Variants in FXYD2 observed in about 807,000 individuals in gnomAD.
The protein encoded by FXYD2 is FXYD domain containing ion transport regulator 2.
A neutral mutation model predicts 11.8 loss-of-function variants in FXYD2; 8 were observed. The ratio of observed to expected loss-of-function variants is 0.68; its 90% CI spans 0.40 to 1.22. FXYD2 has a LOEUF of 1.22. Among genes scored for constraint, FXYD2 ranks in the 50% most tolerant of loss-of-function variants. The pLI is 0.01. For synonymous variants in FXYD2, 42 were observed against 33.3 expected (o/e 1.26, Z -0.90); for missense variants, 92 against 91.8 (o/e 1.00, Z -0.01).
upstream of FXYD2, among the ~76,000 whole-genome samples, chr11:117,826,830 A>G (rs5026788): frequency 9.4e-4 from 91 of 97,000 alleles, no homozygotes; most frequent in South Asian, 3.1e-3. Context: ...CTATCTGTCT[A>G]TCTATCTATC....
At chr11:117,821,080 G>A (rs766256934) in intron 3 of FXYD2, among the ~76,000 whole-genome samples, 185 bp from the exon 4 acceptor site, 22 of 151,694 alleles carry the variant, frequency 1.5e-4, no homozygotes, top group South Asian at 8.4e-4. Context: ...TTTTTGAGAC[G>A]GGGTCTTACT....
rs2134100346 is a variant in FXYD2 at position 117,822,068 on chromosome 11, TC to T, written c.139+337del. 2 of 1,264,122 alleles carry T rather than the reference TC, an allele frequency of 1.6e-6. No homozygotes were observed. Among genetic ancestry groups the T allele is most frequent in the East Asian group, 8.2e-5 (2 of 24,324 alleles). 78.3% of individuals were successfully genotyped at this position (1,264,122 alleles called of 1,614,324 possible). A position where few individuals can be genotyped will look rare whatever the true frequency, so the allele number is the denominator to read the frequency against. On this transcript the variant is annotated intron_variant, in intron 3 of 5. Transcript: ENST00000292079. This position sits in a 1 kb window ranked among gnomAD's most constrained non-coding sequence, Gnocchi z 4.7. ...TAATCTTGTGAGGCAGGTGGGATCATCCCTATTTAACAAATGAGTTTGGGAC... is the reference window on the plus strand; with the variant it reads ...TAATCTTGTGAGGCAGGTGGGATCATCCTATTTAACAAATGAGTTTGGGAC...
At position 117,822,095 on chromosome 11, in the gene FXYD2, C is replaced by T. The variant is rs888246560; in HGVS notation, c.139+311G>A. 2 of 1,324,582 alleles carry T rather than the reference C, an allele frequency of 1.5e-6. No individual in the cohort carries two copies. Among genetic ancestry groups the T allele is most frequent in the Non-Finnish European group, 1.9e-6 (2 of 1,028,512 alleles). 82.1% of individuals were successfully genotyped at this position (1,324,582 alleles called of 1,614,324 possible). On this transcript the variant is annotated intron_variant, in intron 3 of 5. Transcript: ENST00000292079. This position sits in a 1 kb window ranked among gnomAD's most constrained non-coding sequence, Gnocchi z 4.7. ...CCTATTTAACAAATGAGTTTGGGACCATGGTTAGCAGCGGGGGGCCTAGTC... is the reference window on the plus strand; with the variant it reads ...CCTATTTAACAAATGAGTTTGGGACTATGGTTAGCAGCGGGGGGCCTAGTC...
At chr11:117,825,068 T>A (rs1270040658), upstream of FXYD2, among the ~76,000 whole-genome samples, 1 of 152,186 alleles carries the variant, frequency 6.6e-6, no homozygotes, top group Non-Finnish European at 1.5e-5. Flanking sequence ...TGGGAGTTTC[T>A]GGGGGCAGTG....
upstream of FXYD2, among the ~76,000 whole-genome samples, chr11:117,825,850 C>T (rs748098947): frequency 2.5e-4 from 38 of 152,282 alleles, no homozygotes; most frequent in African/African-American, 8.7e-4. Context: ...CAGTGGCCAG[C>T]GGACAGCAGG....
chr11:117,826,754 A>ATCTGTCTGTCTG (rs61440081), upstream of FXYD2, among the ~76,000 whole-genome samples: 305 of 143,688 alleles, frequency 2.1e-3, 4 homozygotes, highest in East Asian at 0.022. Context: ...AAATAAATTC[A>ATCTGTCTGTCTG]TCTGTCTGTC....
chr11:117,826,346 G>A (rs1329302412), upstream of FXYD2, among the ~76,000 whole-genome samples: 1 of 152,190 alleles, frequency 6.6e-6, no homozygotes, highest in Admixed American at 6.5e-5. Flanking sequence ...CATCACAGCA[G>A]AGCCAGCGTT....
At position 117,824,624 on chromosome 11, in the gene FXYD2, A is replaced by G. The variant is rs972474595; in HGVS notation, c.25+30T>C. On this transcript the variant is annotated intron_variant, in intron 1 of 5. Transcript: ENST00000292079. The surrounding 1 kb of genome is among the most constrained non-coding windows in gnomAD (Gnocchi z 4.0). ...CAATCAGAGCCACCCAGCATTGCACACGCCCGGGCACGCACACCAGCACAC... is the reference window on the plus strand; with the variant it reads ...CAATCAGAGCCACCCAGCATTGCACGCGCCCGGGCACGCACACCAGCACAC... 2.5e-6 allele frequency: 4 copies of G among 1,591,628 alleles called. No individual in the cohort carries two copies. Among genetic ancestry groups the G allele is most frequent in the Non-Finnish European group, 3.4e-6 (4 of 1,159,764 alleles).
chr11:117,824,755 A>G (rs1591536845), upstream of FXYD2: 4 of 1,586,084 alleles, frequency 2.5e-6, no homozygotes, highest in Non-Finnish European at 1.7e-6. The surrounding 1 kb of genome is among the most constrained non-coding windows in gnomAD (Gnocchi z 4.0). Context: ...GGCTGCCTCC[A>G]CGGGGTGGCC....
At chr11:117,826,998 G>T (rs191844026), upstream of FXYD2, among the ~76,000 whole-genome samples, 101 of 151,948 alleles carry the variant, frequency 6.6e-4, no homozygotes, top group African/African-American at 2.3e-3. Flanking sequence ...AAACAAAGCT[G>T]CAGTGTGGAT....
In FXYD2 at chr11:117,824,572, G is replaced by C. The variant is rs2055993942; in HGVS notation, c.25+82C>G. The C allele has an allele frequency of 9.0e-7, 1 of 1,109,752 alleles. No individual in the cohort carries two copies. 68.7% of individuals were successfully genotyped at this position (1,109,752 alleles called of 1,614,324 possible). A position where few individuals can be genotyped will look rare whatever the true frequency, so the allele number is the denominator to read the frequency against. On this transcript the variant is annotated intron_variant, in intron 1 of 5. Coordinates refer to ENST00000292079, the MANE Select transcript of FXYD2 (RefSeq NM_001680.5). This position sits in a 1 kb window ranked among gnomAD's most constrained non-coding sequence, Gnocchi z 4.0. ...GAGGTGGCAGGAGAGGGAAGAGTAGGGTCCAGCTGACCCCACAAAGGCAGG... is the reference window on the plus strand; with the variant it reads ...GAGGTGGCAGGAGAGGGAAGAGTAGCGTCCAGCTGACCCCACAAAGGCAGG...
At position 117,822,123 on chromosome 11, in the gene FXYD2, CCT is replaced by C. The variant is rs1239330396; in HGVS notation, c.139+281_139+282del. On this transcript the variant is annotated intron_variant, in intron 3 of 5. Coordinates refer to ENST00000292079, the MANE Select transcript of FXYD2 (RefSeq NM_001680.5). This position sits in a 1 kb window ranked among gnomAD's most constrained non-coding sequence, Gnocchi z 4.7. Reference sequence around the variant, plus strand: ...GGTTAGCAGCGGGGGGCCTAGTCCCCCTGTCTGGCCCTCCGGTTACCCAGTTA... The same window carrying C: ...GGTTAGCAGCGGGGGGCCTAGTCCCCGTCTGGCCCTCCGGTTACCCAGTTA... 1 of 1,373,042 alleles carries C rather than the reference CCT, an allele frequency of 7.3e-7. No homozygotes were observed. Among genetic ancestry groups the C allele is most frequent in the Non-Finnish European group, 9.4e-7 (1 of 1,059,022 alleles). 85.1% of individuals were successfully genotyped at this position (1,373,042 alleles called of 1,614,324 possible). A position where few individuals can be genotyped will look rare whatever the true frequency, so the allele number is the denominator to read the frequency against.
rs2134096986 is a variant in FXYD2 at position 117,820,416 on chromosome 11, A to T, written c.*7-44T>A. The T allele has an allele frequency of 1.2e-5, 7 of 565,526 alleles. No homozygotes were observed. The South Asian group carries it at 1.7e-4, about 14-fold the overall frequency. The allele number at this position is 565,526 out of a possible 1,614,324, so 35.0% of individuals were successfully genotyped here. ...GATGGGGTTGGGTGGGAGGCAGCAG[A>T]GGTTGGGGTTTTACTTCCCCCTTGT... On this transcript the variant is annotated intron_variant, in intron 5 of 5. Coordinates refer to ENST00000292079, the MANE Select transcript of FXYD2 (RefSeq NM_001680.5).
At chr11:117,824,849 G>C, upstream of FXYD2, 5 of 833,524 alleles carry the variant, frequency 6.0e-6, no homozygotes, top group Non-Finnish European at 9.9e-6. This position sits in a 1 kb window ranked among gnomAD's most constrained non-coding sequence, Gnocchi z 4.0. Flanking sequence ...GTGGATGGAG[G>C]GGCTCCTTCT....
At chr11:117,826,519 G>A (rs1172556546), upstream of FXYD2, among the ~76,000 whole-genome samples, 2 of 152,162 alleles carry the variant, frequency 1.3e-5, no homozygotes, top group African/African-American at 4.8e-5. Flanking sequence ...AACGAGGGCA[G>A]GAAGGTGAAG....
upstream of FXYD2, among the ~76,000 whole-genome samples, chr11:117,826,778 G>GTCTATCTGTCTGTCTA (rs1555040290): frequency 0.016 from 2,008 of 125,850 alleles, 23 homozygotes; most frequent in East Asian, 0.032. Context: ...CTGTCTGTCT[G>GTCTATCTGTCTGTCTA]TCTATCTATC....
intron 3 of FXYD2, chr11:117,821,928 G>A: frequency 9.7e-7 from 1 of 1,032,066 alleles, no homozygotes; most frequent in Non-Finnish European, 1.2e-6. Flanking sequence ...CCTGCTGTGT[G>A]CCCCTCGGGG....
At position 117,822,690 on chromosome 11, in the gene FXYD2, G is replaced by A. The variant is rs763425417; in HGVS notation, c.53C>T (p.Pro18Leu). The change falls in exon 2 of 6, where the codon CCG (proline) becomes CTG (leucine). Residue 18 changes from proline (P) to leucine (L), a missense_variant. By Grantham distance (98) the Pro-to-Leu change is moderately conservative. Transcript: ENST00000292079. The surrounding 1 kb of genome is among the most constrained non-coding windows in gnomAD (Gnocchi z 4.7). ...GGGCCCAGGCTTACCATAGTAGAAC[G>A]GGTCCACGTCCCCCTTGGGGCTGCC... ...GGGSPKGDVD[P>L]FYYDYETVRN... 15 of 1,610,632 alleles carry A rather than the reference G, an allele frequency of 9.3e-6. No homozygotes were observed. Among genetic ancestry groups the A allele is most frequent in the East Asian group, 2.2e-5 (1 of 44,772 alleles).
At chr11:117,823,839 C>T (rs571989383) in intron 1 of FXYD2, among the ~76,000 whole-genome samples, 3 of 152,320 alleles carry the variant, frequency 2.0e-5, no homozygotes, top group Middle Eastern at 3.4e-3. Context: ...CTGTCCCCAG[C>T]GGCCAGTCCC....
Sources: gnomAD v4.1 joint callset for allele counts (sites outside exome capture counted in the v4.1 genomes callset) on GRCh38, gnomAD v4.1.1 for gene constraint, Gnocchi (gnomAD v3.1) non-coding constraint, MANE v1.5 for transcripts, NCBI Gene and HGNC (gene_info 2026-07-23, HGNC 2026-07-21) for gene names.